OPCML: variants seen among roughly 807,000 people sequenced by gnomAD.
OPCML encodes the protein opioid binding protein/cell adhesion molecule like.
Under a neutral mutation model 37.8 loss-of-function variants are expected in OPCML, and 13 were observed. That is an observed-to-expected ratio of 0.34 (90% CI 0.22 to 0.55). The LOEUF (loss-of-function observed/expected upper bound fraction) is 0.55. Among genes scored for constraint, OPCML ranks in the 20% least tolerant of loss-of-function variants. The pLI is 0.91. For synonymous variants in OPCML, 176 were observed against 168.8 expected (o/e 1.04, Z -0.33); for missense variants, 341 against 435.6 (o/e 0.78, Z 1.93).
In OPCML at chr11:132,943,307, G is replaced by T; in HGVS notation, c.62-297C>A. 2 of 663,350 alleles carry T rather than the reference G, an allele frequency of 3.0e-6. No individual in the cohort carries two copies. The highest frequency in any genetic ancestry group is 5.6e-5 in the East Asian group (2 of 35,816). The allele number at this position is 663,350 out of a possible 1,614,324, so 41.1% of individuals were successfully genotyped here. A position where few individuals can be genotyped will look rare whatever the true frequency, so the allele number is the denominator to read the frequency against. On this transcript the variant is annotated intron_variant, in intron 1 of 7. Coordinates refer to ENST00000524381, the MANE Select transcript of OPCML (RefSeq NM_001012393.5). This position sits in a 1 kb window ranked among gnomAD's most constrained non-coding sequence, Gnocchi z 4.3. ...GCTTTCCAGCCTAGCAGAACCAGAT[G>T]CCCCCTCCTGCATCCAAAAAGAGCT...
chr11:133,467,683 CT>C (rs1443451375), intron 1 of OPCML, among the ~76,000 whole-genome samples: 1 of 152,080 alleles, frequency 6.6e-6, no homozygotes, highest in East Asian at 1.9e-4. Flanking sequence ...AGATATAAGC[CT>C]GGTCCCATAT....
intron 1 of OPCML, among the ~76,000 whole-genome samples, chr11:133,311,363 C>T (rs540565293): frequency 1.3e-5 from 2 of 152,318 alleles, no homozygotes; most frequent in East Asian, 3.9e-4. Context: ...TGCAACATAA[C>T]AGCTTTTCCT....
chr11:133,377,735 C>A (rs1944845405), intron 1 of OPCML, among the ~76,000 whole-genome samples: 1 of 152,042 alleles, frequency 6.6e-6, no homozygotes. Flanking sequence ...CCCACAGTCA[C>A]CTCAGGAACA....
intron 1 of OPCML, among the ~76,000 whole-genome samples, chr11:133,488,710 T>G (rs1331515885): frequency 6.6e-6 from 1 of 152,018 alleles, no homozygotes; most frequent in Non-Finnish European, 1.5e-5. Context: ...TTTCGCAGAA[T>G]TATAAAAAAC....
intron 1 of OPCML, among the ~76,000 whole-genome samples, chr11:133,460,286 A>G (rs549701578): frequency 6.6e-6 from 1 of 151,956 alleles, no homozygotes; most frequent in Admixed American, 6.6e-5. Flanking sequence ...TCTCAAATCA[A>G]TAGCCTAACT....
intron 3 of OPCML, among the ~76,000 whole-genome samples, chr11:132,597,776 C>A (rs1430142714): frequency 6.6e-6 from 1 of 151,986 alleles, no homozygotes; most frequent in Non-Finnish European, 1.5e-5. Flanking sequence ...ATAGGATACC[C>A]AATATTTGGA....
chr11:133,084,397 C>T (rs111994195), intron 1 of OPCML, among the ~76,000 whole-genome samples: 2 of 152,178 alleles, frequency 1.3e-5, no homozygotes, highest in Non-Finnish European at 2.9e-5. Context: ...ATTCAAGTTT[C>T]GTTGTTTAGT....
chr11:133,079,225 G>A (rs572243261), intron 1 of OPCML, among the ~76,000 whole-genome samples: 1 of 152,264 alleles, frequency 6.6e-6, no homozygotes, highest in African/African-American at 2.4e-5. Context: ...TGTAAGTAAC[G>A]AGAGGCGTAT....
In OPCML at chr11:132,417,952, C is replaced by G. The variant is rs1274030444; in HGVS notation, c.*2241G>C. The G allele has an allele frequency of 6.6e-6, 1 of 152,210 alleles. No individual in the cohort carries two copies. Among genetic ancestry groups the G allele is most frequent in the Non-Finnish European group, 1.5e-5 (1 of 68,040 alleles). The allele number at this position is 152,210 out of a possible 1,614,324, so 9.4% of individuals were successfully genotyped here. A position where few individuals can be genotyped will look rare whatever the true frequency, so the allele number is the denominator to read the frequency against. ...ACTAGGAAATGCAGATGTCTGTTTA[C>G]AGCTGGAAAATGTAACATTAATTTC... On this transcript the variant is annotated 3_prime_UTR_variant, in exon 8 of 8. Coordinates refer to ENST00000524381, the MANE Select transcript of OPCML (RefSeq NM_001012393.5).
chr11:133,427,303 A>G (rs1377051915), intron 1 of OPCML, among the ~76,000 whole-genome samples: 1 of 151,946 alleles, frequency 6.6e-6, no homozygotes, highest in African/African-American at 2.4e-5. Flanking sequence ...TAAGAACAGT[A>G]ATTTAAACAC....
At chr11:132,759,700 T>C (rs928237545) in intron 2 of OPCML, among the ~76,000 whole-genome samples, 4 of 151,948 alleles carry the variant, frequency 2.6e-5, no homozygotes, top group Non-Finnish European at 5.9e-5. Flanking sequence ...TCTTCCTTAT[T>C]AGTCTGGCTA....
intron 4 of OPCML, among the ~76,000 whole-genome samples, chr11:132,484,335 C>T (rs1402640962): frequency 1.3e-5 from 2 of 152,158 alleles, no homozygotes; most frequent in African/African-American, 4.8e-5. Flanking sequence ...CATCACTGGC[C>T]ATCAGATAAA....
At chr11:132,811,528 G>A (rs908763370) in intron 2 of OPCML, among the ~76,000 whole-genome samples, 1 of 152,106 alleles carries the variant, frequency 6.6e-6, no homozygotes, top group Non-Finnish European at 1.5e-5. Context: ...TTAAAGATCT[G>A]CCCTGGACAT....
intron 4 of OPCML, among the ~76,000 whole-genome samples, chr11:132,519,495 G>C (rs914526207): frequency 6.6e-6 from 1 of 152,052 alleles, no homozygotes; most frequent in Non-Finnish European, 1.5e-5. Flanking sequence ...CCCAAAAGGA[G>C]CATAAATGGG....
chr11:133,483,824 G>GATAGATAGATAGATAGATAA (rs1392164959), intron 1 of OPCML, among the ~76,000 whole-genome samples: 1 of 148,100 alleles, frequency 6.8e-6, no homozygotes, highest in African/African-American at 2.5e-5. Context: ...TAGATAGATA[G>GATAGATAGATAGATAGATAA]ATAGGATGGA....
At chr11:133,098,583 C>T (rs1364538639) in intron 1 of OPCML, among the ~76,000 whole-genome samples, 2 of 152,114 alleles carry the variant, frequency 1.3e-5, no homozygotes, top group Non-Finnish European at 2.9e-5. Flanking sequence ...AGAAAAATCA[C>T]ACAATCATAT....
chr11:133,122,151 A>G, intron 1 of OPCML, among the ~76,000 whole-genome samples: 1 of 152,182 alleles, frequency 6.6e-6, no homozygotes, highest in Admixed American at 6.5e-5. Flanking sequence ...CTAGTCGAAT[A>G]TGGGTAGTTG....
At chr11:133,386,502 G>A (rs183703736) in intron 1 of OPCML, among the ~76,000 whole-genome samples, 22 of 152,230 alleles carry the variant, frequency 1.4e-4, no homozygotes, top group Admixed American at 4.6e-4. Context: ...TCTCACAAGC[G>A]CTCCCCTCCT....
intron 1 of OPCML, among the ~76,000 whole-genome samples, chr11:133,097,352 C>T (rs762007038): frequency 1.1e-4 from 17 of 151,968 alleles, no homozygotes; most frequent in Admixed American, 2.6e-4. Flanking sequence ...TTGAAATAAA[C>T]GAAAATGGAA....
Sources: allele counts gnomAD v4.1 joint callset (sites outside exome capture counted in the v4.1 genomes callset), GRCh38; gene constraint gnomAD v4.1.1; non-coding constraint Gnocchi (gnomAD v3.1); transcripts MANE v1.5; gene names NCBI Gene and HGNC (gene_info 2026-07-23, HGNC 2026-07-21).